Variants in SPATA16 observed in about 807,000 individuals in gnomAD.
SPATA16 encodes the protein spermatogenesis associated 16.
Under a neutral mutation model 63.3 loss-of-function variants are expected in SPATA16, and 36 were observed. The ratio of observed to expected loss-of-function variants is 0.57; its 90% CI spans 0.44 to 0.75. The LOEUF (loss-of-function observed/expected upper bound fraction) is 0.75. SPATA16 is among the 30% of genes least tolerant of loss of function. The probability of loss-of-function intolerance (pLI) is 0.00; values close to 1 mark genes in which losing one functional copy is unlikely to be tolerated. For synonymous variants in SPATA16, 203 were observed against 216.7 expected (o/e 0.94, Z 0.56); for missense variants, 646 against 679.3 (o/e 0.95, Z 0.54).
chr3:173,021,431 A>G (rs1735328690), intron 3 of SPATA16, among the ~76,000 whole-genome samples: 1 of 152,196 alleles, frequency 6.6e-6, no homozygotes, highest in African/African-American at 2.4e-5. Context: ...TCCCTCAAGA[A>G]CACAGATCGT....
At chr3:172,936,955 C>T (rs1577096417) in intron 6 of SPATA16, among the ~76,000 whole-genome samples, 1 of 152,140 alleles carries the variant, frequency 6.6e-6, no homozygotes, top group African/African-American at 2.4e-5. Context: ...AAGTGATCCA[C>T]CTGCTTCAGC....
intron 2 of SPATA16, among the ~76,000 whole-genome samples, chr3:173,074,897 C>T (rs1736753881): frequency 6.7e-6 from 1 of 148,534 alleles, no homozygotes; most frequent in Non-Finnish European, 1.5e-5. Context: ...ACCTGGGAGG[C>T]TGAGGCAGGA....
chr3:173,095,674 C>T (rs1447701650), intron 2 of SPATA16, among the ~76,000 whole-genome samples: 1 of 152,070 alleles, frequency 6.6e-6, no homozygotes, highest in Non-Finnish European at 1.5e-5. Context: ...AGAGTAAATA[C>T]ATAGTAGGAA....
At chr3:172,924,392 A>G in intron 7 of SPATA16, 75 bp from the exon 8 acceptor site, 2 of 1,130,558 alleles carry the variant, frequency 1.8e-6, no homozygotes, top group East Asian at 2.4e-5. Context: ...TTAGCAAGCT[A>G]TAAACGAATA....
intron 2 of SPATA16, among the ~76,000 whole-genome samples, chr3:173,068,256 C>T (rs1301295680): frequency 1.3e-5 from 2 of 152,086 alleles, no homozygotes; most frequent in African/African-American, 2.4e-5. Context: ...GACTAAAAGA[C>T]AAACCTATCA....
chr3:172,996,854 C>T (rs768634992), intron 4 of SPATA16, among the ~76,000 whole-genome samples: 13 of 152,208 alleles, frequency 8.5e-5, no homozygotes, highest in Non-Finnish European at 1.5e-4. Context: ...ACATATTTTG[C>T]CTTTTCCAGA....
At chr3:173,053,712 T>C (rs977530294) in intron 2 of SPATA16, among the ~76,000 whole-genome samples, 1 of 152,154 alleles carries the variant, frequency 6.6e-6, no homozygotes, top group African/African-American at 2.4e-5. Flanking sequence ...GTTTCCTCAC[T>C]GTATCACTGG....
chr3:173,058,282 T>G (rs1037561868), intron 2 of SPATA16, among the ~76,000 whole-genome samples: 2 of 152,136 alleles, frequency 1.3e-5, no homozygotes, highest in Admixed American at 1.3e-4. Flanking sequence ...GTTTCCCTAA[T>G]GAGAAATTTT....
At chr3:173,028,629 T>C (rs937672410) in intron 3 of SPATA16, among the ~76,000 whole-genome samples, 1 of 152,058 alleles carries the variant, frequency 6.6e-6, no homozygotes, top group Admixed American at 6.6e-5. Flanking sequence ...TTTATAAAGA[T>C]AATCATGGCT....
chr3:173,101,850 C>T (rs1409897735), intron 2 of SPATA16, among the ~76,000 whole-genome samples: 3 of 152,116 alleles, frequency 2.0e-5, no homozygotes, highest in African/African-American at 4.8e-5. Flanking sequence ...CATCTTTAGT[C>T]CCTGAACCAC....
At chr3:172,906,903 G>A (rs550228309) in intron 10 of SPATA16, among the ~76,000 whole-genome samples, 12 of 152,138 alleles carry the variant, frequency 7.9e-5, no homozygotes, top group African/African-American at 2.2e-4. Flanking sequence ...TACCACGCCC[G>A]GCTAATTTTT....
chr3:173,044,680 T>TA (rs1735917471), intron 3 of SPATA16, among the ~76,000 whole-genome samples: 1 of 152,178 alleles, frequency 6.6e-6, no homozygotes, highest in African/African-American at 2.4e-5. Context: ...TGGTAATTTT[T>TA]AACTTTATGC....
At chr3:172,937,347 A>G (rs1181344349) in intron 6 of SPATA16, among the ~76,000 whole-genome samples, 1 of 152,198 alleles carries the variant, frequency 6.6e-6, no homozygotes, top group Non-Finnish European at 1.5e-5. Flanking sequence ...AAAGTTACCA[A>G]TGGAATTTAG....
intron 5 of SPATA16, among the ~76,000 whole-genome samples, chr3:172,976,113 A>T (rs73175087): frequency 0.056 from 8,509 of 152,166 alleles, 345 homozygotes; most frequent in Non-Finnish European, 0.079. Flanking sequence ...TGGAGGAGAA[A>T]GTTGGCTTTT....
At chr3:172,995,123 T>C (rs1190946741) in intron 4 of SPATA16, among the ~76,000 whole-genome samples, 1 of 152,064 alleles carries the variant, frequency 6.6e-6, no homozygotes, top group Non-Finnish European at 1.5e-5. Context: ...AATGTGCAAT[T>C]CTTTTTTAAA....
In SPATA16 at chr3:173,124,261, C is replaced by T. The variant is rs111430284; in HGVS notation, c.-18-6512G>A. Among the ~76,000 whole-genome samples the T allele has an allele frequency of 3.3e-3, 507 of 152,348 alleles. 6 individuals are homozygous for T. The highest frequency in any genetic ancestry group is 0.012 in the African/African-American group (489 of 41,576). ...TGAATTCTCTTTTATTATTTATTAA[C>T]TGCATGTTGTAGGACAAATAATACA... is the stretch of plus-strand genomic sequence containing the variant. On this transcript the variant is annotated intron_variant, in intron 1 of 10. Transcript: ENST00000351008.
chr3:172,919,979 C>A (rs1427950123), intron 8 of SPATA16, among the ~76,000 whole-genome samples: 4 of 152,182 alleles, frequency 2.6e-5, no homozygotes, highest in African/African-American at 9.6e-5. Context: ...AGGCGTGAAC[C>A]ACTGCGCCCA....
At chr3:172,955,679 C>G (rs956759049) in intron 6 of SPATA16, among the ~76,000 whole-genome samples, 13 of 152,004 alleles carry the variant, frequency 8.6e-5, no homozygotes, top group African/African-American at 3.1e-4. Flanking sequence ...ATCCATAGGA[C>G]CTACATTTAA....
chr3:172,947,081 C>T (rs527898142), intron 6 of SPATA16, among the ~76,000 whole-genome samples: 25 of 152,220 alleles, frequency 1.6e-4, no homozygotes, highest in Middle Eastern at 3.4e-3. Flanking sequence ...CTGGATTTTA[C>T]CCAAGACCAC....
Sources: gnomAD v4.1 joint callset for allele counts (sites outside exome capture counted in the v4.1 genomes callset) on GRCh38, gnomAD v4.1.1 for gene constraint, MANE v1.5 for transcripts, NCBI Gene and HGNC (gene_info 2026-07-23, HGNC 2026-07-21) for gene names.